Variants in GPC5 observed in about 807,000 individuals in gnomAD.
The protein encoded by GPC5 is glypican-5.
In GPC5, 47 loss-of-function variants were observed where a neutral mutation model predicts 53.9. That is an observed-to-expected ratio of 0.87 (90% confidence interval 0.69 to 1.11). GPC5 has a LOEUF of 1.11. GPC5 is among the 50% of genes most tolerant of loss of function. GPC5 has a pLI of 0.00. For missense variants in GPC5, 748 were observed against 713.1 expected (o/e 1.05, Z -0.56); for synonymous variants, 286 against 263.3 (o/e 1.09, Z -0.84).
chr13:92,488,243 C>T (rs1879632253), intron 7 of GPC5, among the ~76,000 whole-genome samples: 1 of 152,108 alleles, frequency 6.6e-6, no homozygotes, highest in South Asian at 2.1e-4. Flanking sequence ...GGATTGCAAA[C>T]TTACTAAACA....
At chr13:91,730,824 T>G (rs1478460905) in intron 4 of GPC5, among the ~76,000 whole-genome samples, 1 of 152,194 alleles carries the variant, frequency 6.6e-6, no homozygotes, top group Non-Finnish European at 1.5e-5. Context: ...TATCTCTTCC[T>G]GAGTTTTAGG....
intron 3 of GPC5, among the ~76,000 whole-genome samples, chr13:91,696,460 A>G (rs1278725795): frequency 6.6e-6 from 1 of 152,140 alleles, no homozygotes; most frequent in Non-Finnish European, 1.5e-5. Context: ...ATTAATATTT[A>G]TTTCTACCAA....
intron 6 of GPC5, among the ~76,000 whole-genome samples, chr13:92,118,486 T>C (rs188137547): frequency 1.3e-5 from 2 of 152,130 alleles, no homozygotes; most frequent in Admixed American, 1.3e-4. Flanking sequence ...ACAGCTAGTA[T>C]CATGACAGCA....
chr13:92,471,566 T>G, intron 7 of GPC5, among the ~76,000 whole-genome samples: 1 of 152,086 alleles, frequency 6.6e-6, no homozygotes, highest in African/African-American at 2.4e-5. Context: ...GCAAGAAAAC[T>G]TAGTTAATTA....
At chr13:92,082,947 A>G (rs1287277103) in intron 6 of GPC5, among the ~76,000 whole-genome samples, 2 of 152,204 alleles carry the variant, frequency 1.3e-5, no homozygotes, top group African/African-American at 2.4e-5. Context: ...CAGAAGAAAT[A>G]TATTTTTCAT....
chr13:92,469,063 T>C (rs1878808800), intron 7 of GPC5, among the ~76,000 whole-genome samples: 1 of 152,182 alleles, frequency 6.6e-6, no homozygotes, highest in African/African-American at 2.4e-5. Flanking sequence ...TTTCCAGTGC[T>C]GGATACAGGG....
intron 6 of GPC5, among the ~76,000 whole-genome samples, chr13:91,957,177 A>G (rs2040081108): frequency 6.6e-6 from 1 of 152,168 alleles, no homozygotes; most frequent in African/African-American, 2.4e-5. Context: ...ATTGAATTAA[A>G]TTTAAAAAGT....
chr13:92,185,975 A>G (rs2042180911), intron 7 of GPC5, among the ~76,000 whole-genome samples: 1 of 152,160 alleles, frequency 6.6e-6, no homozygotes, highest in Non-Finnish European at 1.5e-5. Flanking sequence ...ATATTCAAAG[A>G]TAAAATGTAA....
intron 2 of GPC5, among the ~76,000 whole-genome samples, chr13:91,453,603 T>C (rs1308908632): frequency 1.3e-5 from 2 of 151,668 alleles, no homozygotes; most frequent in Non-Finnish European, 1.5e-5. Flanking sequence ...TGATCAAGAT[T>C]AAGAGAACAG....
chr13:92,119,381 A>G (rs2041626794), intron 6 of GPC5, among the ~76,000 whole-genome samples: 2 of 136,606 alleles, frequency 1.5e-5, no homozygotes, highest in Non-Finnish European at 3.1e-5. Context: ...CATTCACATT[A>G]GGATTTTAGT....
chr13:92,706,767 T>C (rs1352691686), intron 7 of GPC5, among the ~76,000 whole-genome samples: 1 of 152,146 alleles, frequency 6.6e-6, no homozygotes, highest in Non-Finnish European at 1.5e-5. Flanking sequence ...ATCTATTTAA[T>C]TGAACTGTAC....
chr13:91,426,783 G>A (rs1031400211), intron 1 of GPC5, among the ~76,000 whole-genome samples: 1 of 152,094 alleles, frequency 6.6e-6, no homozygotes, highest in African/African-American at 2.4e-5. Context: ...AAGATTGAGG[G>A]TGGGTCTGTC....
intron 7 of GPC5, among the ~76,000 whole-genome samples, chr13:92,438,177 A>G (rs975820402): frequency 6.6e-6 from 1 of 151,856 alleles, no homozygotes; most frequent in African/African-American, 2.4e-5. Flanking sequence ...GACTCAGTCT[A>G]CTTTTCATAC....
intron 7 of GPC5, among the ~76,000 whole-genome samples, chr13:92,758,356 G>A (rs1384624326): frequency 1.3e-5 from 2 of 150,442 alleles, no homozygotes; most frequent in Non-Finnish European, 3.0e-5. Context: ...GGATAGCTTT[G>A]GGAGATATAC....
At chr13:92,451,455 G>A (rs1472096262) in intron 7 of GPC5, among the ~76,000 whole-genome samples, 1 of 151,692 alleles carries the variant, frequency 6.6e-6, no homozygotes, top group East Asian at 1.9e-4. Context: ...CATGTAAAAA[G>A]TACTATATTA....
intron 7 of GPC5, among the ~76,000 whole-genome samples, chr13:92,251,428 T>C (rs780994180): frequency 1.6e-4 from 24 of 152,082 alleles, no homozygotes; most frequent in Admixed American, 9.2e-4. Flanking sequence ...TCACTGGATA[T>C]ATGTGAGAAG....
chr13:92,232,525 T>A (rs1226504039), intron 7 of GPC5, among the ~76,000 whole-genome samples: 2 of 152,224 alleles, frequency 1.3e-5, no homozygotes, highest in African/African-American at 2.4e-5. Context: ...CTGTTACCAC[T>A]TACTAATGGA....
intron 6 of GPC5, among the ~76,000 whole-genome samples, chr13:91,912,432 A>G (rs1329834378): frequency 1.3e-5 from 2 of 152,164 alleles, no homozygotes; most frequent in Non-Finnish European, 2.9e-5. Flanking sequence ...TGATGGAAAA[A>G]GTGAAAAATA....
chr13:91,849,107 C>G (rs1291632140), intron 5 of GPC5, among the ~76,000 whole-genome samples: 3 of 152,154 alleles, frequency 2.0e-5, no homozygotes, highest in African/African-American at 2.4e-5. Context: ...GCAACTCTTT[C>G]CTTCTACCTG....
Sources: allele counts gnomAD v4.1 joint callset (sites outside exome capture counted in the v4.1 genomes callset), GRCh38; gene constraint gnomAD v4.1.1; transcripts MANE v1.5; gene names NCBI Gene and HGNC (gene_info 2026-07-23, HGNC 2026-07-21).